KDM6A: variants seen among roughly 807,000 people sequenced by gnomAD.
The protein encoded by KDM6A is lysine demethylase 6A.
A neutral mutation model predicts 117.6 loss-of-function variants in KDM6A; 11 were observed. The observed-to-expected ratio is 0.09, with a 90% CI of 0.06 to 0.15. KDM6A has a LOEUF of 0.15. Ranked by LOEUF, KDM6A falls within the 10% of genes least tolerant of loss-of-function variation. KDM6A has a pLI of 1.00. For synonymous variants in KDM6A, 384 were observed against 396.1 expected, an observed-to-expected ratio of 0.97 and a Z score of 0.36; for missense variants, 799 against 1,077.3, an observed-to-expected ratio of 0.74 and a Z score of 3.62.
intron 2 of KDM6A, among the ~76,000 whole-genome samples, chrX:44,954,068 AAATAAT>A (rs1243876094): frequency 1.6e-4 from 18 of 109,732 alleles, no homozygotes; most frequent in Non-Finnish European, 2.7e-4. Context: ...AAAAAAAAAA[AAATAAT>A]AATAATACTT....
Position 45,112,209 on chromosome X carries a change from G to A in KDM6A, c.*798G>A, listed in dbSNP as rs2046786653. ...TTCTATGTGTAAATAAAACTGCTTA[G>A]CATTGTACAGAAACTTTTATTAAAA... On this transcript the variant is annotated 3_prime_UTR_variant, in exon 30 of 30. Coordinates refer to ENST00000611820, the MANE Select transcript of KDM6A (RefSeq NM_001291415.2). The A allele has an allele frequency of 6.4e-6, 1 of 156,603 alleles. No individual in the cohort carries two copies. The highest frequency in any genetic ancestry group is 8.5e-5 in the Admixed American group (1 of 11,784). The allele number at this position is 156,603 out of a possible 1,213,427, so 12.9% of individuals were successfully genotyped here.
chrX:44,981,682 T>A (rs775962834), intron 4 of KDM6A, among the ~76,000 whole-genome samples: 1 of 111,583 alleles, frequency 9.0e-6, no homozygotes, highest in Admixed American at 9.5e-5. Context: ...CCAGCCCCCA[T>A]CCTGAAGCTA....
chrX:44,998,096 G>T (rs971017329), intron 4 of KDM6A, among the ~76,000 whole-genome samples: 1 of 111,533 alleles, frequency 9.0e-6, no homozygotes, highest in African/African-American at 3.3e-5. Context: ...TTGAGTTTTC[G>T]AAAGCTCACT....
intron 3 of KDM6A, among the ~76,000 whole-genome samples, chrX:44,968,698 C>T (rs757211425): frequency 8.9e-6 from 1 of 112,189 alleles, no homozygotes; most frequent in African/African-American, 3.2e-5. Context: ...CAGCTGGGCA[C>T]AGTGGCTCAC....
chrX:44,994,747 A>G (rs905484351), intron 4 of KDM6A, among the ~76,000 whole-genome samples: 2 of 111,519 alleles, frequency 1.8e-5, no homozygotes, highest in East Asian at 2.8e-4. Context: ...TCTTTCCCTG[A>G]CACACCTGGC....
rs1472396434 is a variant in KDM6A, at chrX:45,110,227, A to T, written c.4310A>T (p.Gln1437Leu). The change falls in exon 29 of 30, where the codon CAA becomes CTA. Residue 1437 changes from glutamine (Q) to leucine (L), a missense_variant. By Grantham distance (113) the Gln-to-Leu change is moderately radical (BLOSUM62 -2). Transcript: ENST00000611820. ...CAGTACAAAATGGAGGACCTGATGC[A>T]AGTCTATGACCAATTTACATTAGTA... ...LEQYKMEDLM[Q>L]VYDQFTLAPP... 4.1e-6 allele frequency: 5 copies of T among 1,208,540 alleles called. No homozygotes were observed. In the Admixed American group the frequency reaches 6.6e-5, roughly 16 times the overall value.
intron 2 of KDM6A, among the ~76,000 whole-genome samples, chrX:44,917,549 T>C (rs1271703553): frequency 4.5e-5 from 5 of 112,313 alleles, no homozygotes; most frequent in Non-Finnish European, 9.4e-5. Context: ...TTTTGGTCTT[T>C]TTCTGATGTG....
intron 2 of KDM6A, among the ~76,000 whole-genome samples, chrX:44,944,136 G>A (rs1446851428): frequency 9.0e-6 from 1 of 111,153 alleles, no homozygotes; most frequent in Non-Finnish European, 1.9e-5. Context: ...TGGATCACTT[G>A]AGGTCAGGAG....
At chrX:45,056,153 C>T (rs1160406865) in intron 10 of KDM6A, among the ~76,000 whole-genome samples, 3 of 111,375 alleles carry the variant, frequency 2.7e-5, no homozygotes, top group South Asian at 3.7e-4. Flanking sequence ...AACTTGGTTT[C>T]GGGTTCAAGG....
At chrX:44,992,791 C>T (rs1218403619) in intron 4 of KDM6A, among the ~76,000 whole-genome samples, 1 of 110,541 alleles carries the variant, frequency 9.0e-6, no homozygotes, top group African/African-American at 3.3e-5. Flanking sequence ...TGTGATCCAC[C>T]CACCTCGGCC....
chrX:44,900,882 A>C (rs2034299120), intron 2 of KDM6A, among the ~76,000 whole-genome samples: 1 of 112,255 alleles, frequency 8.9e-6, no homozygotes, highest in Non-Finnish European at 1.9e-5. Context: ...CTTCGTCTCA[A>C]AAAAAGAAAG....
At chrX:45,024,709 CTT>C (rs1474125145) in intron 6 of KDM6A, among the ~76,000 whole-genome samples, 6 of 110,947 alleles carry the variant, frequency 5.4e-5, no homozygotes, top group African/African-American at 2.0e-4. Flanking sequence ...GTCATGAACT[CTT>C]TGCCTAATGT....
chrX:45,079,975 A>G (rs2045328381), intron 21 of KDM6A, among the ~76,000 whole-genome samples: 1 of 111,950 alleles, frequency 8.9e-6, no homozygotes, highest in Admixed American at 9.5e-5. Context: ...AGGGTTTCTT[A>G]ACTTCGATAC....
At chrX:45,053,081 A>T (rs755974078) in intron 9 of KDM6A, among the ~76,000 whole-genome samples, 22 of 111,521 alleles carry the variant, frequency 2.0e-4, no homozygotes, top group African/African-American at 5.9e-4. Flanking sequence ...ATTATCGTTG[A>T]TTCTATAGCC....
At chrX:44,915,752 C>G (rs147344561) in intron 2 of KDM6A, among the ~76,000 whole-genome samples, 18 of 111,552 alleles carry the variant, frequency 1.6e-4, no homozygotes, top group Admixed American at 3.8e-4. Flanking sequence ...TAGTAGCCGT[C>G]TGAGTTATCA....
intron 2 of KDM6A, among the ~76,000 whole-genome samples, chrX:44,931,902 A>G (rs1467080112): frequency 3.6e-5 from 4 of 110,243 alleles, no homozygotes; most frequent in Non-Finnish European, 7.6e-5. Flanking sequence ...TGAGAATCCT[A>G]TTTTAAAAAT....
chrX:45,063,508 C>G lies in KDM6A; in HGVS notation c.1770C>G (p.Val590=), dbSNP rs1315856386. Residue 590 remains valine, a synonymous_variant, in exon 17 of 30, where the codon GTC becomes GTG. Transcript: ENST00000611820. The stretch of plus-strand genomic sequence containing the variant: ...ACTCATCACTGCCTACAAACTCAGT[C>G]TCTGGCCAGCAGCCACAGCTTGCTC... The part of the protein sequence containing the change: ...TADSSLPTNS[V]SGQQPQLALT... 6 of 1,211,291 alleles carry G rather than the reference C, an allele frequency of 5.0e-6. No individual in the cohort carries two copies. The South Asian group carries it at 8.8e-5, about 18-fold the overall frequency.
intron 2 of KDM6A, among the ~76,000 whole-genome samples, chrX:44,893,130 G>T (rs1692677794): frequency 9.1e-6 from 1 of 109,881 alleles, no homozygotes; most frequent in Admixed American, 9.8e-5. Flanking sequence ...AGCCGAGATC[G>T]CACCACTACA....
intron 2 of KDM6A, among the ~76,000 whole-genome samples, chrX:44,942,292 C>T (rs2037377503): frequency 9.1e-6 from 1 of 110,480 alleles, no homozygotes; most frequent in Admixed American, 9.7e-5. Context: ...GTTTGCTTCC[C>T]AAAGTGCTGG....
Sources: gnomAD v4.1 joint callset for allele counts (sites outside exome capture counted in the v4.1 genomes callset) on GRCh38, gnomAD v4.1.1 for gene constraint, MANE v1.5 for transcripts, NCBI Gene and HGNC (gene_info 2026-07-23, HGNC 2026-07-21) for gene names.